Variants in ORC4 observed in about 807,000 individuals in gnomAD.
The protein encoded by ORC4 is origin recognition complex, subunit 4 homolog.
Under a neutral mutation model 63.9 loss-of-function variants are expected in ORC4, and 55 were observed. The ratio of observed to expected loss-of-function variants is 0.86; its 90% CI spans 0.69 to 1.08. The LOEUF (loss-of-function observed/expected upper bound fraction) is 1.08. Among genes scored for constraint, ORC4 ranks in the 50% least tolerant of loss-of-function variants. The pLI, the probability that ORC4 is intolerant of heterozygous loss-of-function variation, is 0.00. For synonymous variants in ORC4, 150 were observed against 168.5 expected (o/e 0.89, Z 0.85); for missense variants, 511 against 504.4 (o/e 1.01, Z -0.13).
At chr2:147,988,467 C>T (rs1307393502) in intron 1 of ORC4, among the ~76,000 whole-genome samples, 1 of 151,514 alleles carries the variant, frequency 6.6e-6, no homozygotes, top group Non-Finnish European at 1.5e-5. Context: ...TCAAGCTATT[C>T]TCCTGCCTCA....
chr2:147,992,981 T>C (rs1013598098), intron 1 of ORC4, among the ~76,000 whole-genome samples: 5 of 152,146 alleles, frequency 3.3e-5, no homozygotes, highest in Non-Finnish European at 7.3e-5. Flanking sequence ...TTGTAGGTCA[T>C]AGGATCCCCA....
intron 10 of ORC4, among the ~76,000 whole-genome samples, chr2:147,939,942 T>G (rs1168511756): frequency 1.3e-5 from 2 of 152,160 alleles, no homozygotes; most frequent in African/African-American, 4.8e-5. Context: ...TCTGGTTAAA[T>G]TTCAATTTCA....
At chr2:147,986,772 T>C (rs1353420669) in intron 1 of ORC4, among the ~76,000 whole-genome samples, 2 of 117,846 alleles carry the variant, frequency 1.7e-5, no homozygotes, top group African/African-American at 7.6e-5. Flanking sequence ...CACAATTTTA[T>C]ACAGACACAC....
chr2:147,984,024 C>T (rs897939235), intron 1 of ORC4, among the ~76,000 whole-genome samples: 3 of 152,188 alleles, frequency 2.0e-5, no homozygotes, highest in African/African-American at 7.2e-5. Context: ...CTCTTGACTT[C>T]TTTTACGACA....
chr2:147,965,400 T>C (rs1027074891), intron 4 of ORC4, among the ~76,000 whole-genome samples: 16 of 150,736 alleles, frequency 1.1e-4, no homozygotes, highest in African/African-American at 3.4e-4. Context: ...CTCACCTGTA[T>C]AGACACACAG....
At chr2:147,967,040 C>T (rs1689932999) in intron 4 of ORC4, among the ~76,000 whole-genome samples, 1 of 151,974 alleles carries the variant, frequency 6.6e-6, no homozygotes, top group Non-Finnish European at 1.5e-5. Flanking sequence ...TTAATATACG[C>T]AAATCAATAA....
rs779453661 is a variant in ORC4, at chr2:147,938,281, C to T, written c.1054+17G>A. 2 of 1,592,282 alleles carry T rather than the reference C, an allele frequency of 1.3e-6. No individual in the cohort carries two copies. The highest frequency in any genetic ancestry group is 4.5e-5 in the East Asian group (2 of 44,606). ...GTGGGGAAGAGTCAGAAAAAAGCTACTTAAGTCTCATCTCACCATTATAGA... is the reference window on the plus strand; with the variant it reads ...GTGGGGAAGAGTCAGAAAAAAGCTATTTAAGTCTCATCTCACCATTATAGA... On this transcript the variant is annotated intron_variant, in intron 12 of 13. Transcript: ENST00000392857.
intron 1 of ORC4, among the ~76,000 whole-genome samples, chr2:148,012,494 C>T (rs900295550): frequency 1.3e-5 from 2 of 151,954 alleles, no homozygotes; most frequent in African/African-American, 4.8e-5. Flanking sequence ...TCAAGGAAAC[C>T]ATTAGGCAAA....
chr2:147,977,237 T>A (rs866563955), intron 1 of ORC4, among the ~76,000 whole-genome samples: 2 of 152,138 alleles, frequency 1.3e-5, no homozygotes, highest in African/African-American at 4.8e-5. Flanking sequence ...ACCACTTTTT[T>A]AAAAAAGTGT....
chr2:147,988,851 T>C (rs916146950), intron 1 of ORC4, among the ~76,000 whole-genome samples: 1 of 151,750 alleles, frequency 6.6e-6, no homozygotes, highest in Non-Finnish European at 1.5e-5. Context: ...GGAAAGAAAC[T>C]GCTTTTTAGA....
intron 1 of ORC4, among the ~76,000 whole-genome samples, chr2:148,010,486 T>C (rs1296759707): frequency 6.6e-6 from 1 of 151,590 alleles, no homozygotes; most frequent in Non-Finnish European, 1.5e-5. Flanking sequence ...AAGATCCAAA[T>C]AAAATCAGAG....
intron 1 of ORC4, among the ~76,000 whole-genome samples, chr2:147,989,967 G>A (rs1291943615): frequency 6.6e-6 from 1 of 152,092 alleles, no homozygotes; most frequent in Non-Finnish European, 1.5e-5. Context: ...TACAGCTCCA[G>A]CAGATGGGGG....
chr2:147,985,168 A>G (rs554377325), intron 1 of ORC4, among the ~76,000 whole-genome samples: 123 of 152,262 alleles, frequency 8.1e-4, no homozygotes, highest in African/African-American at 2.6e-3. Flanking sequence ...AACAATAATG[A>G]TAACTATTCA....
At chr2:147,984,085 G>C (rs1428659277) in intron 1 of ORC4, among the ~76,000 whole-genome samples, 1 of 152,178 alleles carries the variant, frequency 6.6e-6, no homozygotes, top group Non-Finnish European at 1.5e-5. Context: ...GGTTGAGGAA[G>C]GGTTGATACT....
chr2:148,003,180 G>A (rs1161688522), intron 1 of ORC4, among the ~76,000 whole-genome samples: 1 of 152,114 alleles, frequency 6.6e-6, no homozygotes, highest in Non-Finnish European at 1.5e-5. Flanking sequence ...TTCTACCAGA[G>A]GTACAAAGCG....
chr2:147,988,955 A>G (rs540521836), intron 1 of ORC4, among the ~76,000 whole-genome samples: 2 of 152,340 alleles, frequency 1.3e-5, no homozygotes, highest in African/African-American at 2.4e-5. Flanking sequence ...TCATATCTAT[A>G]CACTTAAAAC....
At chr2:147,945,770 C>T (rs1372878313) in intron 9 of ORC4, among the ~76,000 whole-genome samples, 1 of 152,058 alleles carries the variant, frequency 6.6e-6, no homozygotes, top group Non-Finnish European at 1.5e-5. Context: ...TTAATCCTGC[C>T]ATTCAAAATA....
At chr2:147,967,760 T>A (rs1211189086) in intron 4 of ORC4, among the ~76,000 whole-genome samples, 2 of 150,222 alleles carry the variant, frequency 1.3e-5, no homozygotes, top group African/African-American at 4.8e-5. Context: ...ATTCCTATCA[T>A]AACACTAATG....
intron 13 of ORC4, among the ~76,000 whole-genome samples, chr2:147,937,477 G>A (rs1401244332): frequency 1.3e-5 from 2 of 152,140 alleles, no homozygotes; most frequent in African/African-American, 4.8e-5. Flanking sequence ...AGGCCATTGA[G>A]ATGTGCTTAA....
Sources: gnomAD v4.1 joint callset for allele counts (sites outside exome capture counted in the v4.1 genomes callset) on GRCh38, gnomAD v4.1.1 for gene constraint, MANE v1.5 for transcripts, NCBI Gene and HGNC (gene_info 2026-07-23, HGNC 2026-07-21) for gene names.